The following RNF144B variants were observed in gnomAD, a reference collection of about 807,000 sequenced individuals.
RNF144B encodes the protein E3 ubiquitin-protein ligase RNF144B.
A neutral mutation model predicts 40.2 loss-of-function variants in RNF144B; 25 were observed. The ratio of observed to expected loss-of-function variants is 0.62; its 90% confidence interval spans 0.45 to 0.87. The LOEUF (loss-of-function observed/expected upper bound fraction) is 0.87. RNF144B is among the 40% of genes least tolerant of loss of function. The probability of loss-of-function intolerance (pLI) is 0.00; values close to 1 mark genes in which losing one functional copy is unlikely to be tolerated. For missense variants in RNF144B, 365 were observed against 373.7 expected, an observed-to-expected ratio of 0.98 and a Z score of 0.19; for synonymous variants, 145 against 136.3, an observed-to-expected ratio of 1.06 and a Z score of -0.44.
chr6:18,411,485 ATATATATATATATTTT>A (rs1455076923), intron 2 of RNF144B, among the ~76,000 whole-genome samples: 20 of 26,320 alleles, frequency 7.6e-4, no homozygotes, highest in African/African-American at 2.1e-3. Context: ...ATATATATAT[ATATATATATATATTTT>A]TTTTTTTTTT....
Position 18,428,305 on chromosome 6 carries a change from A to T in RNF144B, c.270+620A>T, listed in dbSNP as rs79127183. ...TTTCTTCATAGCAGTGTGAGAATGG[A>T]CACATACAGAGGCTGAATAGTGAAT... On this transcript the variant is annotated intron_variant, in intron 3 of 7. Transcript: ENST00000259939. Among the ~76,000 whole-genome samples, 898 of 152,288 alleles carry T rather than the reference A, an allele frequency of 5.9e-3. 3 individuals are homozygous for T. The highest frequency in any genetic ancestry group is 0.02 in the African/African-American group (842 of 41,558).
chr6:18,408,991 GT>G (rs1371717760), intron 2 of RNF144B, among the ~76,000 whole-genome samples: 6 of 150,092 alleles, frequency 4.0e-5, no homozygotes, highest in Admixed American at 4.0e-4. Context: ...CCTTTACAGG[GT>G]CTGCCTTTCA....
intron 6 of RNF144B, among the ~76,000 whole-genome samples, chr6:18,461,780 G>A (rs1444881911): frequency 2.0e-5 from 3 of 152,156 alleles, no homozygotes; most frequent in Non-Finnish European, 4.4e-5. Flanking sequence ...TACATCAGAT[G>A]GTGGTGTGGA....
At chr6:18,424,497 G>T (rs370135280) in intron 2 of RNF144B, among the ~76,000 whole-genome samples, 2 of 152,258 alleles carry the variant, frequency 1.3e-5, no homozygotes, top group East Asian at 3.9e-4. Context: ...GTGTACAGAG[G>T]TCTAACTTCT....
In RNF144B at chr6:18,450,205, A is replaced by G. The variant is rs1335661560; in HGVS notation, c.332-6950A>G. Among the ~76,000 whole-genome samples the G allele has an allele frequency of 6.6e-6, 1 of 151,908 alleles. No homozygotes were observed. Among genetic ancestry groups the G allele is most frequent in the Non-Finnish European group, 1.5e-5 (1 of 68,000 alleles). On this transcript the variant is annotated intron_variant, in intron 4 of 7. Transcript: ENST00000259939. This position sits in a 1 kb window ranked among gnomAD's most constrained non-coding sequence, Gnocchi z 4.7. The stretch of plus-strand genomic sequence containing the variant: ...TTTATATTAATGTATTGATATGTTT[A>G]CTTCCAATTCATTACTTTCATGGCC...
rs1397923997 is a variant in RNF144B at position 18,419,759 on chromosome 6, T to G, written c.166-7822T>G. On this transcript the variant is annotated intron_variant, in intron 2 of 7. Coordinates refer to ENST00000259939, the MANE Select transcript of RNF144B (RefSeq NM_182757.4). The surrounding 1 kb of genome is among the most constrained non-coding windows in gnomAD (Gnocchi z 4.6). ...GAAGACAACTCTTTCAAACATTTGA[T>G]TGTGAAGAGTTGAGGAGTGAAGAAG... 6.6e-6 allele frequency among the ~76,000 whole-genome samples: 1 copy of G among 151,998 alleles called. No individual in the cohort carries two copies. Among genetic ancestry groups the G allele is most frequent in the Non-Finnish European group, 1.5e-5 (1 of 67,990 alleles).
chr6:18,429,768 C>A (rs1205379472), intron 3 of RNF144B, among the ~76,000 whole-genome samples: 1 of 152,122 alleles, frequency 6.6e-6, no homozygotes, highest in African/African-American at 2.4e-5. Flanking sequence ...CCAGGAAAGA[C>A]ACTTCCTTTT....
intron 2 of RNF144B, among the ~76,000 whole-genome samples, chr6:18,427,229 T>A (rs971023082): frequency 6.6e-6 from 1 of 151,582 alleles, no homozygotes; most frequent in Non-Finnish European, 1.5e-5. Flanking sequence ...AGAGGACCAC[T>A]AGGTAAAAAT....
chr6:18,420,781 CT>C, intron 2 of RNF144B, among the ~76,000 whole-genome samples: 1 of 151,998 alleles, frequency 6.6e-6, no homozygotes, highest in African/African-American at 2.4e-5. Context: ...ATGTGGCTTC[CT>C]TTTGAAGGGG....
rs753958056 is a variant in RNF144B, at chr6:18,419,056, A to C, written c.166-8525A>C. 6.6e-6 allele frequency among the ~76,000 whole-genome samples: 1 copy of C among 152,150 alleles called. No homozygotes were observed. The highest frequency in any genetic ancestry group is 1.5e-5 in the Non-Finnish European group (1 of 68,032). On this transcript the variant is annotated intron_variant, in intron 2 of 7. Transcript: ENST00000259939. This position sits in a 1 kb window ranked among gnomAD's most constrained non-coding sequence, Gnocchi z 4.6. ...GAGGGCAAAACCTCAGACCCCACCC[A>C]AGATCCACTGAATCAGAATCTGCAT...
At chr6:18,455,155 C>T (rs1457360330) in intron 4 of RNF144B, among the ~76,000 whole-genome samples, 1 of 152,080 alleles carries the variant, frequency 6.6e-6, no homozygotes, top group Admixed American at 6.6e-5. Context: ...CTATGTGTGC[C>T]ACTGTTTCCT....
At chr6:18,387,998 G>A (rs571779035) in intron 1 of RNF144B, among the ~76,000 whole-genome samples, 4 of 152,278 alleles carry the variant, frequency 2.6e-5, no homozygotes, top group East Asian at 1.9e-4. Context: ...TAATGAAACA[G>A]TGAAACTCTG....
chr6:18,407,940 ATGGTGGCT>A (rs1426377432), intron 2 of RNF144B, among the ~76,000 whole-genome samples: 1 of 151,304 alleles, frequency 6.6e-6, no homozygotes, highest in Admixed American at 6.6e-5. Flanking sequence ...ATTTGTAAAA[ATGGTGGCT>A]TGGTTTGGAA....
intron 4 of RNF144B, among the ~76,000 whole-genome samples, chr6:18,449,274 C>T (rs920205549): frequency 4.6e-5 from 7 of 152,208 alleles, no homozygotes; most frequent in African/African-American, 4.8e-5. Context: ...ATTCATAGTT[C>T]TAACCTATAG....
intron 3 of RNF144B, among the ~76,000 whole-genome samples, chr6:18,432,324 C>T (rs1028338058): frequency 6.6e-6 from 1 of 152,168 alleles, no homozygotes; most frequent in African/African-American, 2.4e-5. Flanking sequence ...ACGGCAGCTT[C>T]CCTTTCAGTG....
chr6:18,399,598 C>T lies in RNF144B; in HGVS notation c.64C>T (p.Leu22=). Residue 22 remains leucine (L), a synonymous_variant, in exon 2 of 8, where the codon CTG becomes TTG. Transcript: ENST00000259939. ...MTAENPTPGD[L]APAPLITCKL... ...TGCTGAAAATCCCACTCCTGGAGAC[C>T]TGGCTCCGGCCCCCCTCATCACTTG... 6.2e-7 allele frequency: 1 copy of T among 1,614,146 alleles called. No individual in the cohort carries two copies. The highest frequency in any genetic ancestry group is 8.5e-7 in the Non-Finnish European group (1 of 1,179,978).
chr6:18,453,315 T>A (rs1759254028), intron 4 of RNF144B, among the ~76,000 whole-genome samples: 2 of 151,776 alleles, frequency 1.3e-5, no homozygotes, highest in South Asian at 4.2e-4. Context: ...ATTTTTGTAT[T>A]TTTAGTAGAG....
chr6:18,440,692 G>A (rs1289178333), intron 4 of RNF144B, among the ~76,000 whole-genome samples: 1 of 130,570 alleles, frequency 7.7e-6, no homozygotes, highest in African/African-American at 2.8e-5. Flanking sequence ...ATGAAGAGGG[G>A]TAGAGTAGGA....
chr6:18,388,817 T>C (rs370395984), intron 1 of RNF144B, among the ~76,000 whole-genome samples: 1 of 150,100 alleles, frequency 6.7e-6, no homozygotes, highest in African/African-American at 2.5e-5. Context: ...TTTTTTTTTT[T>C]ATTTTTGTCG....
Sources: gnomAD v4.1 joint callset for allele counts (sites outside exome capture counted in the v4.1 genomes callset) on GRCh38, gnomAD v4.1.1 for gene constraint, Gnocchi (gnomAD v3.1) non-coding constraint, MANE v1.5 for transcripts, NCBI Gene and HGNC (gene_info 2026-07-23, HGNC 2026-07-21) for gene names.